Variants in EYS observed in about 807,000 individuals in gnomAD.
The protein encoded by EYS is protein eyes shut homolog.
A neutral mutation model predicts 282.1 loss-of-function variants in EYS; 250 were observed. That is an observed-to-expected ratio of 0.89 (90% CI 0.80 to 0.98). EYS has a LOEUF of 0.98. Among genes scored for constraint, EYS ranks in the 50% least tolerant of loss-of-function variants. EYS has a pLI of 0.00. For synonymous variants in EYS, 1,355 were observed against 1,282.9 expected (o/e 1.06, Z -1.20); for missense variants, 4,016 against 3,709.0 (o/e 1.08, Z -2.15).
intron 19 of EYS, among the ~76,000 whole-genome samples, chr6:64,833,602 A>G (rs1040123133): frequency 6.6e-6 from 1 of 151,920 alleles, no homozygotes; most frequent in Non-Finnish European, 1.5e-5. Context: ...TACATATAAC[A>G]ACAAAAATGT....
intron 26 of EYS, among the ~76,000 whole-genome samples, chr6:64,530,858 C>A (rs561574134): frequency 6.6e-6 from 1 of 152,120 alleles, no homozygotes; most frequent in South Asian, 2.1e-4. Flanking sequence ...AAAAGCTAAA[C>A]GTGAGTACAT....
At chr6:64,798,607 G>GTTTTTTTTTTT (rs57597318) in intron 22 of EYS, among the ~76,000 whole-genome samples, 3 of 106,810 alleles carry the variant, frequency 2.8e-5, no homozygotes, top group African/African-American at 3.5e-5. Flanking sequence ...TTTGTTTCTG[G>GTTTTTTTTTTT]TTTTTTTTTT....
intron 26 of EYS, among the ~76,000 whole-genome samples, chr6:64,497,217 C>CAA (rs1776917796): frequency 6.6e-6 from 1 of 152,102 alleles, no homozygotes; most frequent in South Asian, 2.1e-4. Context: ...CAACAGAAGA[C>CAA]AAAATTTTAT....
Position 63,721,209 on chromosome 6 carries a change from A to G in EYS, c.8822T>C (p.Leu2941Ser), listed in dbSNP as rs958664985. Residue 2941 changes from leucine (L) to serine (S), a missense_variant, in exon 43 of 43, where the codon TTG becomes TCG. Physicochemically the swap from Leu to Ser is moderately radical, Grantham distance 145. Coordinates refer to ENST00000503581, the MANE Select transcript of EYS (RefSeq NM_001142800.2). ...QSFSYSCLCT[L>S]GWVGRYCENK... is the part of the protein sequence containing the mutation. ...TTCACAATACCTTCCCACCCAACCC[A>G]AAGTACACAGGCAACTGTAAGAAAA... 5 of 1,551,620 alleles carry G rather than the reference A, an allele frequency of 3.2e-6. No individual in the cohort carries two copies. The African/African-American group carries it at 6.8e-5, about 21-fold the overall frequency.
At chr6:64,517,734 TA>T (rs55642727) in intron 26 of EYS, among the ~76,000 whole-genome samples, 1 of 151,656 alleles carries the variant, frequency 6.6e-6, no homozygotes, top group Non-Finnish European at 1.5e-5. Flanking sequence ...GAATAGAAAA[TA>T]AAAAAATTAC....
intron 14 of EYS, among the ~76,000 whole-genome samples, chr6:64,955,820 A>G (rs1769684823): frequency 6.6e-6 from 1 of 152,118 alleles, no homozygotes; most frequent in Admixed American, 6.5e-5. Flanking sequence ...TCCCCACAGA[A>G]AAAATATCCC....
chr6:65,410,342 A>G (rs780692836), intron 5 of EYS, among the ~76,000 whole-genome samples: 7 of 152,070 alleles, frequency 4.6e-5, no homozygotes, highest in Non-Finnish European at 7.4e-5. Flanking sequence ...TAATGATCCA[A>G]TCGGGATAGT....
chr6:64,035,006 G>C (rs542661145), intron 33 of EYS, among the ~76,000 whole-genome samples: 1 of 152,220 alleles, frequency 6.6e-6, no homozygotes, highest in Non-Finnish European at 1.5e-5. Flanking sequence ...ATAGCTAGAC[G>C]TCAATGTCTG....
intron 41 of EYS, 141 bp downstream of exon 41, chr6:63,762,320 T>C: frequency 2.6e-6 from 2 of 771,494 alleles, no homozygotes; most frequent in Admixed American, 5.7e-5. Context: ...AAGTATAATG[T>C]CAAATATACT....
chr6:64,079,975 A>G (rs1771907839), intron 32 of EYS, among the ~76,000 whole-genome samples: 1 of 152,140 alleles, frequency 6.6e-6, no homozygotes, highest in African/African-American at 2.4e-5. Flanking sequence ...TCATTGTTGG[A>G]CATTTGGGTT....
Position 64,902,465 on chromosome 6 carries a change from C to T in EYS, c.2677G>A (p.Asp893Asn). 1 of 1,535,482 alleles carries T rather than the reference C, an allele frequency of 6.5e-7. No individual in the cohort carries two copies. Among genetic ancestry groups the T allele is most frequent in the East Asian group, 2.5e-5 (1 of 40,712 alleles). ...EGKNCEIDVK[D>N]CLFLSCQDYG... The stretch of plus-strand genomic sequence containing the variant: ...TCCTGGCAGGAAAGGAAGAGGCAGT[C>T]TTTCACATCAATTTCACAGTTTTTA... Residue 893 changes from aspartate (D) to asparagine (N), a missense_variant, in exon 17 of 43, where the codon GAC becomes AAC. Coordinates refer to ENST00000503581, the MANE Select transcript of EYS (RefSeq NM_001142800.2).
intron 19 of EYS, among the ~76,000 whole-genome samples, chr6:64,883,560 G>A (rs953410394): frequency 5.6e-4 from 85 of 151,298 alleles, no homozygotes; most frequent in African/African-American, 1.1e-3. Context: ...ATATATAATC[G>A]TGTCTAGTTA....
chr6:65,568,415 G>T (rs1480294972), intron 2 of EYS, among the ~76,000 whole-genome samples: 1 of 149,910 alleles, frequency 6.7e-6, no homozygotes, highest in East Asian at 2.0e-4. Context: ...AAATACATTT[G>T]CATGCCATTT....
intron 12 of EYS, among the ~76,000 whole-genome samples, chr6:65,206,383 T>G (rs1039956582): frequency 3.4e-5 from 5 of 147,924 alleles, no homozygotes. Context: ...GTAATAAAAT[T>G]GAATCAATTA....
chr6:65,201,174 G>T (rs1484621291), intron 12 of EYS, among the ~76,000 whole-genome samples: 1 of 152,116 alleles, frequency 6.6e-6, no homozygotes, highest in Non-Finnish European at 1.5e-5. Context: ...GCTATGAAAG[G>T]TGCACATAAA....
intron 29 of EYS, among the ~76,000 whole-genome samples, chr6:64,371,162 G>A (rs1772356758): frequency 6.6e-6 from 1 of 151,948 alleles, no homozygotes; most frequent in East Asian, 1.9e-4. Context: ...AGTGCTATAA[G>A]TTTCCCTTGG....
chr6:63,833,886 A>T (rs1771721128), intron 36 of EYS, among the ~76,000 whole-genome samples: 1 of 152,190 alleles, frequency 6.6e-6, no homozygotes, highest in Non-Finnish European at 1.5e-5. Context: ...AACAGAACAG[A>T]GCCCTCGGAA....
chr6:64,342,773 G>T (rs1292939572), intron 29 of EYS, among the ~76,000 whole-genome samples: 4 of 151,908 alleles, frequency 2.6e-5, no homozygotes, highest in Admixed American at 2.6e-4. Context: ...ATTGGATAAA[G>T]AGTCAAAACC....
rs144116967 is a variant in EYS, at chr6:65,590,766, T to C, written c.-333+49012A>G. Among the ~76,000 whole-genome samples the C allele has an allele frequency of 9.8e-3, 1,493 of 152,070 alleles. 50 individuals are homozygous for C. Among genetic ancestry groups the C allele is most frequent in the Admixed American group, 0.081 (1,232 of 15,220 alleles). ...CTGGCTTGTTTCACTTAACATATTG[T>C]CCTCCAGGCAATTTCGTGTTGCCTC... On this transcript the variant is annotated intron_variant, in intron 2 of 42. Coordinates refer to ENST00000503581, the MANE Select transcript of EYS (RefSeq NM_001142800.2).
Sources: allele counts gnomAD v4.1 joint callset (sites outside exome capture counted in the v4.1 genomes callset), GRCh38; gene constraint gnomAD v4.1.1; transcripts MANE v1.5; gene names NCBI Gene and HGNC (gene_info 2026-07-23, HGNC 2026-07-21).